Variants in SYDE2 observed in about 807,000 individuals in gnomAD.
SYDE2 encodes synapse defective Rho GTPase homolog 2.
SYDE2 carries 76 observed loss-of-function variants against 91.5 expected under a neutral mutation model. The observed-to-expected ratio is 0.83, with a 90% CI of 0.69 to 1.01. The LOEUF (loss-of-function observed/expected upper bound fraction) is 1.01. Among genes scored for constraint, SYDE2 ranks in the 50% least tolerant of loss-of-function variants. SYDE2 has a pLI of 0.00. For synonymous variants in SYDE2, 513 were observed against 506.4 expected (o/e 1.01, Z -0.18); for missense variants, 1,364 against 1,367.7 (o/e 1.00, Z 0.04).
At chr1:85,184,811 G>A (rs1658065366) in intron 2 of SYDE2, among the ~76,000 whole-genome samples, 1 of 151,652 alleles carries the variant, frequency 6.6e-6, no homozygotes, top group Admixed American at 6.6e-5. Context: ...TTCTCAGGCT[G>A]GGAGGCTACA....
At chr1:85,160,750 T>C (rs1484287945) in intron 6 of SYDE2, 1 of 985,308 alleles carries the variant, frequency 1.0e-6, no homozygotes, top group African/African-American at 1.7e-5. Context: ...TCTGCTAGCC[T>C]TGAGGTTATC....
intron 6 of SYDE2, among the ~76,000 whole-genome samples, chr1:85,161,739 A>AG (rs1460032455): frequency 6.6e-6 from 1 of 151,886 alleles, no homozygotes; most frequent in Non-Finnish European, 1.5e-5. Context: ...AAAAAAAAAA[A>AG]AAAGAAAGAA....
intron 6 of SYDE2, among the ~76,000 whole-genome samples, chr1:85,161,443 A>G (rs1410147137): frequency 6.6e-6 from 1 of 152,216 alleles, no homozygotes; most frequent in African/African-American, 2.4e-5. Context: ...AATGTGGTAT[A>G]GTGGCCAGGT....
chr1:85,154,040 G>C (rs922710180), downstream of SYDE2: 2 of 152,114 alleles, frequency 1.3e-5, no homozygotes, highest in Non-Finnish European at 2.9e-5. Context: ...TGGCACTTCA[G>C]TGTTTATCAC....
rs1293263022 is a variant in SYDE2, at chr1:85,158,822, T to G, written c.3513A>C (p.Gln1171His). The stretch of plus-strand genomic sequence containing the variant: ...TTCCAATCAAAGTATCAATACTTTC[T>G]TGTAGATCTTTGAGATTGTTTTTTC... ...VDRKNNLKDL[Q>H]ESIDTLIGNL... Residue 1171 changes from glutamine to histidine, a missense_variant, in exon 7 of 7, where the codon CAA (glutamine) becomes CAC (histidine). Gln to His is a conservative substitution (Grantham distance 24, BLOSUM62 0). Coordinates refer to ENST00000341460, the MANE Select transcript of SYDE2 (RefSeq NM_032184.2). 1 of 774,234 alleles carries G rather than the reference T, an allele frequency of 1.3e-6. No homozygotes were observed. The highest frequency in any genetic ancestry group is 2.4e-5 in the East Asian group (1 of 41,206). The allele number at this position is 774,234 out of a possible 1,614,324, so 48.0% of individuals were successfully genotyped here.
At chr1:85,159,966 T>C (rs778371740) in intron 6 of SYDE2, 10 of 984,658 alleles carry the variant, frequency 1.0e-5, no homozygotes, top group Non-Finnish European at 1.2e-5. Flanking sequence ...TCTGAGAGTA[T>C]GCATTGTGCT....
rs1056859226 is a variant in SYDE2 at position 85,158,038 on chromosome 1, G to C, written c.*712C>G. On this transcript the variant is annotated 3_prime_UTR_variant, in exon 7 of 7. Transcript: ENST00000341460. ...ACCAAAGGATGTTGCAGTGTACCAGGACCAGTACTGCAAATCAGACTGAGC... is the reference window on the plus strand; with the variant it reads ...ACCAAAGGATGTTGCAGTGTACCAGCACCAGTACTGCAAATCAGACTGAGC... The C allele has an allele frequency of 1.3e-5, 2 of 152,046 alleles. No individual in the cohort carries two copies. Among genetic ancestry groups the C allele is most frequent in the Non-Finnish European group, 2.9e-5 (2 of 68,008 alleles). The allele number at this position is 152,046 out of a possible 1,614,324, so 9.4% of individuals were successfully genotyped here. A position where few individuals can be genotyped will look rare whatever the true frequency, so the allele number is the denominator to read the frequency against.
At chr1:85,175,209 T>C (rs192684088) in intron 4 of SYDE2, among the ~76,000 whole-genome samples, 59 of 152,316 alleles carry the variant, frequency 3.9e-4, no homozygotes, top group Non-Finnish European at 7.2e-4. Flanking sequence ...CTATAAAGAA[T>C]TATGAATAGG....
chr1:85,165,847 T>C (rs958381679), intron 5 of SYDE2, among the ~76,000 whole-genome samples: 1 of 147,908 alleles, frequency 6.8e-6, no homozygotes, highest in Non-Finnish European at 1.5e-5. Context: ...AAGACATTGA[T>C]GCCAATTAAA....
chr1:85,160,321 GAT>G, intron 6 of SYDE2: 1 of 914,258 alleles, frequency 1.1e-6, no homozygotes, highest in Non-Finnish European at 1.3e-6. Flanking sequence ...GACTTAAAGT[GAT>G]ATTCATAACA....
chr1:85,179,328 AG>A (rs768995222), intron 3 of SYDE2, among the ~76,000 whole-genome samples: 3 of 152,326 alleles, frequency 2.0e-5, no homozygotes, highest in Admixed American at 2.0e-4. Context: ...TGAAATTTCC[AG>A]GGTTACTTAT....
chr1:85,177,999 A>C, intron 4 of SYDE2, 147 bp downstream of exon 4: 1 of 735,830 alleles, frequency 1.4e-6, no homozygotes, highest in Non-Finnish European at 2.1e-6. Flanking sequence ...TTCCCATAGA[A>C]AATAACACAG....
rs777973785 is a variant in SYDE2, at chr1:85,178,152, T to C, written c.2665A>G (p.Ile889Val). 21 of 1,569,938 alleles carry C rather than the reference T, an allele frequency of 1.3e-5. No individual in the cohort carries two copies. In the East Asian group the frequency reaches 4.4e-4, roughly 33 times the overall value. The stretch of plus-strand genomic sequence containing the variant: ...AATAAAATCTATTTATTACCTGTTA[T>C]TACATTTATATCTGGGTACTGGTTT... ...CENQYPDINVITGVLKDYLRE... is the reference protein window; with the variant it reads ...CENQYPDINVVTGVLKDYLRE... Residue 889 changes from isoleucine to valine, a missense_variant, in exon 4 of 7, where the codon ATA becomes GTA. Transcript: ENST00000341460.
At chr1:85,198,349 G>C (rs1282916258) in intron 1 of SYDE2, among the ~76,000 whole-genome samples, 2 of 152,032 alleles carry the variant, frequency 1.3e-5, no homozygotes, top group African/African-American at 2.4e-5. Context: ...AATGGACTTA[G>C]TAAGACCAAC....
At chr1:85,164,959 G>C (rs1331464511) in intron 5 of SYDE2, among the ~76,000 whole-genome samples, 4 of 152,142 alleles carry the variant, frequency 2.6e-5, no homozygotes, top group Non-Finnish European at 5.9e-5. Context: ...TTCCAGCCGG[G>C]CACAGTGGCT....
Position 85,182,785 on chromosome 1 carries a change from A to G in SYDE2, c.1857T>C (p.Gly619=). ...CAGGTGAGTCTCCATCACTAAGGTA[A>G]CCACCTTTGCAGGAATACTTAGAAC... ...SMSSKYSCKG[G]YLSDGDSPEL... Residue 619 remains glycine (G), a synonymous_variant, in exon 3 of 7, where the codon GGT becomes GGC. Transcript: ENST00000341460. 1 of 1,613,816 alleles carries G rather than the reference A, an allele frequency of 6.2e-7. No individual in the cohort carries two copies. The highest frequency in any genetic ancestry group is 1.1e-5 in the South Asian group (1 of 91,074).
chr1:85,156,773 GGAT>G (rs1656892117), downstream of SYDE2: 1 of 151,832 alleles, frequency 6.6e-6, no homozygotes, highest in African/African-American at 2.4e-5. Context: ...ATATATTGAT[GGAT>G]AATACATGAT....
chr1:85,159,235 C>T lies in SYDE2; in HGVS notation c.3100G>A (p.Val1034Ile), dbSNP rs1428435614. 1.3e-6 allele frequency: 1 copy of T among 779,762 alleles called. No homozygotes were observed. Among genetic ancestry groups the T allele is most frequent in the African/African-American group, 1.7e-5 (1 of 59,002 alleles). The allele number at this position is 779,762 out of a possible 1,614,324, so 48.3% of individuals were successfully genotyped here. Residue 1034 changes from valine to isoleucine, a missense_variant, in exon 7 of 7, where the codon GTC becomes ATC. Transcript: ENST00000341460. Reference protein sequence around the residue: ...LQLWPVQRLTVKKSTDNLFPE... With the variant: ...LQLWPVQRLTIKKSTDNLFPE... ...AATAAATTGTCTGTTGATTTTTTGACAGTTAAACGCTGCACTAGAAACAAA... is the reference window on the plus strand; with the variant it reads ...AATAAATTGTCTGTTGATTTTTTGATAGTTAAACGCTGCACTAGAAACAAA...
chr1:85,196,085 C>A (rs185277121), intron 1 of SYDE2, among the ~76,000 whole-genome samples: 32 of 152,144 alleles, frequency 2.1e-4, no homozygotes, highest in Non-Finnish European at 3.5e-4. Flanking sequence ...CAAGATGAGG[C>A]CAATATAGAG....
Sources: gnomAD v4.1 joint callset for allele counts (sites outside exome capture counted in the v4.1 genomes callset) on GRCh38, gnomAD v4.1.1 for gene constraint, MANE v1.5 for transcripts, NCBI Gene and HGNC (gene_info 2026-07-23, HGNC 2026-07-21) for gene names.